SULF1: variants seen among roughly 807,000 people sequenced by gnomAD.
SULF1 encodes the protein sulfatase 1.
SULF1 carries 46 observed loss-of-function variants against 110.5 expected under a neutral mutation model. The observed-to-expected ratio is 0.42, with a 90% CI of 0.33 to 0.53. The LOEUF (loss-of-function observed/expected upper bound fraction) is 0.53. Among genes scored for constraint, SULF1 ranks in the 20% least tolerant of loss-of-function variants. The pLI is 0.12. For missense variants in SULF1, 941 were observed against 1,094.2 expected, an observed-to-expected ratio of 0.86 and a Z score of 1.98; for synonymous variants, 371 against 387.1, an observed-to-expected ratio of 0.96 and a Z score of 0.49.
chr8:69,523,855 C>A (rs1213851495), intron 3 of SULF1, among the ~76,000 whole-genome samples: 2 of 151,830 alleles, frequency 1.3e-5, no homozygotes, highest in Non-Finnish European at 2.9e-5. Context: ...CGGGCAGTTA[C>A]CAGTACTCAT....
At chr8:69,476,799 TAATGGCTAGCAACTG>T (rs1400345969) in intron 1 of SULF1, among the ~76,000 whole-genome samples, 2 of 152,214 alleles carry the variant, frequency 1.3e-5, no homozygotes, top group Non-Finnish European at 2.9e-5. Flanking sequence ...TGGAAGCCAT[TAATGGCTAGCAACTG>T]AATTGTTGAG....
intron 5 of SULF1, among the ~76,000 whole-genome samples, chr8:69,568,112 C>A (rs974026734): frequency 6.6e-6 from 1 of 152,152 alleles, no homozygotes; most frequent in Non-Finnish European, 1.5e-5. Flanking sequence ...GTGCAATTTT[C>A]TTTGCCAAGT....
intron 21 of SULF1, among the ~76,000 whole-genome samples, chr8:69,640,255 G>C (rs1412569298): frequency 6.6e-6 from 1 of 152,158 alleles, no homozygotes; most frequent in Non-Finnish European, 1.5e-5. Context: ...AGAGGCACTA[G>C]AAATATTATA....
intron 6 of SULF1, 34 bp downstream of exon 6, chr8:69,576,243 T>G: frequency 1.9e-6 from 3 of 1,601,610 alleles, no homozygotes; most frequent in Non-Finnish European, 2.6e-6. Context: ...ATGAACGTCT[T>G]GTAATATGTC....
At chr8:69,556,184 A>G (rs750046469) in intron 3 of SULF1, among the ~76,000 whole-genome samples, 162 of 152,232 alleles carry the variant, frequency 1.1e-3, no homozygotes, top group Non-Finnish European at 1.8e-3. Flanking sequence ...AGAGAAAGAG[A>G]AAGAAATGGG....
intron 22 of SULF1, among the ~76,000 whole-genome samples, chr8:69,649,972 CTT>C (rs536073966): frequency 3.3e-5 from 1 of 30,568 alleles, no homozygotes; most frequent in Non-Finnish European, 6.6e-5. Context: ...CTCCTGCTTG[CTT>C]TTTTTTTTTT....
intron 19 of SULF1, among the ~76,000 whole-genome samples, chr8:69,631,530 T>C (rs566794332): frequency 6.6e-6 from 1 of 152,334 alleles, no homozygotes; most frequent in East Asian, 1.9e-4. Flanking sequence ...CACTCCAGCC[T>C]GGGCGATAGA....
intron 3 of SULF1, among the ~76,000 whole-genome samples, chr8:69,504,679 T>C (rs1054046162): frequency 6.6e-6 from 1 of 152,164 alleles, no homozygotes; most frequent in African/African-American, 2.4e-5. Flanking sequence ...GGCTTCAATC[T>C]ACTTTTTTTT....
intron 3 of SULF1, among the ~76,000 whole-genome samples, chr8:69,520,430 C>T (rs1183222163): frequency 1.3e-5 from 2 of 152,040 alleles, no homozygotes; most frequent in African/African-American, 4.8e-5. Flanking sequence ...GATTACACAA[C>T]CTACCAGGTA....
At chr8:69,640,998 T>A (rs1014410741) in intron 22 of SULF1, 157 bp downstream of exon 22, 1 of 560,156 alleles carries the variant, frequency 1.8e-6, no homozygotes, top group Non-Finnish European at 3.0e-6. Flanking sequence ...TTGTCATTGA[T>A]CACAGAACTG....
At chr8:69,469,182 G>T (rs961321058) in intron 1 of SULF1, 2 of 152,186 alleles carry the variant, frequency 1.3e-5, no homozygotes, top group Non-Finnish European at 2.9e-5. Flanking sequence ...TGTCCCAGGT[G>T]GTAAACATGC....
At position 69,621,010 on chromosome 8, in the gene SULF1, A is replaced by C. The variant is rs753041242; in HGVS notation, c.1378-25A>C. The C allele has an allele frequency of 1.9e-6, 3 of 1,572,754 alleles. No individual in the cohort carries two copies. The Admixed American group carries it at 5.4e-5, about 28-fold the overall frequency. ...ATAACACCTGGAGCAGAATCGGTAA[A>C]CTGCTTTCACGTTGGCTTTTGCAGA... On this transcript the variant is annotated intron_variant, in intron 13 of 22. Coordinates refer to ENST00000402687, the MANE Select transcript of SULF1 (RefSeq NM_001128205.2).
At chr8:69,632,041 A>G (rs1288011868) in intron 19 of SULF1, among the ~76,000 whole-genome samples, 1 of 152,212 alleles carries the variant, frequency 6.6e-6, no homozygotes, top group East Asian at 1.9e-4. Context: ...TGCTTAGTCA[A>G]TTTTAGGTGA....
intron 14 of SULF1, among the ~76,000 whole-genome samples, chr8:69,622,257 A>T (rs1260658337): frequency 6.6e-6 from 1 of 152,186 alleles, no homozygotes; most frequent in Non-Finnish European, 1.5e-5. Context: ...TCCAGGTCTA[A>T]TAACTCACAC....
At chr8:69,504,545 ACT>A (rs1456831615) in intron 3 of SULF1, among the ~76,000 whole-genome samples, 1 of 152,070 alleles carries the variant, frequency 6.6e-6, no homozygotes, top group Non-Finnish European at 1.5e-5. Context: ...ACAGAGCAAG[ACT>A]CTGTCTCTGA....
chr8:69,660,657 A>G lies in SULF1; in HGVS notation c.*2122A>G, dbSNP rs2130770264. On this transcript the variant is annotated 3_prime_UTR_variant, in exon 23 of 23. Coordinates refer to ENST00000402687, the MANE Select transcript of SULF1 (RefSeq NM_001128205.2). ...ATGTTATAGCTGAATCTTTTTGGTA[A>G]CTTTAAATCTTTATCATAGACTCTG... The G allele has an allele frequency of 6.5e-6, 1 of 152,720 alleles. No individual in the cohort carries two copies. The highest frequency in any genetic ancestry group is 2.1e-4 in the South Asian group (1 of 4,822). 9.5% of individuals were successfully genotyped at this position (152,720 alleles called of 1,614,324 possible).
At chr8:69,584,570 G>A (rs1486384070) in intron 6 of SULF1, 1 of 152,194 alleles carries the variant, frequency 6.6e-6, no homozygotes, top group Non-Finnish European at 1.5e-5. Flanking sequence ...TGAAAATAAG[G>A]TAAGTCAAAA....
At chr8:69,500,123 T>G (rs1166033197) in intron 2 of SULF1, among the ~76,000 whole-genome samples, 1 of 152,214 alleles carries the variant, frequency 6.6e-6, no homozygotes, top group African/African-American at 2.4e-5. Flanking sequence ...CTGGTCTCAT[T>G]TCATGAAAAT....
At chr8:69,589,177 A>T in intron 8 of SULF1, 36 bp downstream of exon 8, 9 of 1,595,112 alleles carry the variant, frequency 5.6e-6, no homozygotes, top group Non-Finnish European at 7.7e-6. Flanking sequence ...CCTGCCGAAC[A>T]TGCCTTTCCC....
Sources: allele counts gnomAD v4.1 joint callset (sites outside exome capture counted in the v4.1 genomes callset), GRCh38; gene constraint gnomAD v4.1.1; transcripts MANE v1.5; gene names NCBI Gene and HGNC (gene_info 2026-07-23, HGNC 2026-07-21).